NAPSA: variants seen among roughly 807,000 people sequenced by gnomAD.
The protein encoded by NAPSA is napsin-A.
In NAPSA, 37 loss-of-function variants were observed where a neutral mutation model predicts 36.7. That is an observed-to-expected ratio of 1.01 (90% CI 0.78 to 1.33). The LOEUF (loss-of-function observed/expected upper bound fraction) is 1.33. Among genes scored for constraint, NAPSA ranks in the 40% most tolerant of loss-of-function variants. NAPSA has a pLI of 0.00. For missense variants in NAPSA, 532 were observed against 543.8 expected, an observed-to-expected ratio of 0.98 and a Z score of 0.21; for synonymous variants, 222 against 234.5, an observed-to-expected ratio of 0.95 and a Z score of 0.49.
At chr19:50,361,587 C>G in intron 4 of NAPSA, 76 bp downstream of exon 4, 2 of 1,311,174 alleles carry the variant, frequency 1.5e-6, no homozygotes, top group Non-Finnish European at 2.2e-6. Flanking sequence ...CTCCTCGAGC[C>G]TCTTCCTAAG....
In NAPSA at chr19:50,364,849, G is replaced by A. The variant is rs191201552; in HGVS notation, c.83+690C>T. On this transcript the variant is annotated intron_variant, in intron 1 of 8. Coordinates refer to ENST00000253719, the MANE Select transcript of NAPSA (RefSeq NM_004851.3). ...TCTACTAAAAATACAAAAATTAGCC[G>A]GGCGTGGTGGCATGTGCCTGTAGTC... Among the ~76,000 whole-genome samples the A allele has an allele frequency of 3.4e-3, 501 of 148,500 alleles. 3 individuals are homozygous for A. The highest frequency in any genetic ancestry group is 9.7e-3 in the African/African-American group (393 of 40,354).
chr19:50,365,674 C>G, upstream of NAPSA: 7 of 1,478,598 alleles, frequency 4.7e-6, no homozygotes, highest in Non-Finnish European at 6.5e-6. Context: ...TTTTCTTTCC[C>G]CTGTGACTCC....
In NAPSA at chr19:50,359,585, C is replaced by A. The variant is rs747565284; in HGVS notation, c.854G>T (p.Gly285Val). Residue 285 changes from glycine to valine, a missense_variant, in exon 7 of 9, where the codon GGC (glycine) becomes GTC (valine). Physicochemically the swap from Gly to Val is moderately radical, Grantham distance 109. Transcript: ENST00000253719. Reference sequence around the variant, plus strand: ...AGTGGGTCCTGTGATGAGGGACGTGCCCGTATCCAGGATGGCAGCACAGCC... The same window carrying A: ...AGTGGGTCCTGTGATGAGGGACGTGACCGTATCCAGGATGGCAGCACAGCC... Reference protein sequence around the residue: ...AKGCAAILDTGTSLITGPTEE... With the variant: ...AKGCAAILDTVTSLITGPTEE... 6.2e-7 allele frequency: 1 copy of A among 1,614,234 alleles called. No homozygotes were observed.
intron 1 of NAPSA, 27 bp from the exon 2 acceptor site, chr19:50,362,340 A>G: frequency 6.4e-7 from 1 of 1,567,342 alleles, no homozygotes; most frequent in South Asian, 1.2e-5. Flanking sequence ...TATTGACAGG[A>G]AGCTGCCCTT....
chr19:50,368,114 C>T (rs915747077), upstream of NAPSA, among the ~76,000 whole-genome samples: 2 of 145,152 alleles, frequency 1.4e-5, no homozygotes, highest in South Asian at 2.2e-4. Context: ...GCCAAGATCG[C>T]GCTGCTACAC....
chr19:50,360,863 G>T, intron 5 of NAPSA, 78 bp downstream of exon 5: 1 of 1,369,920 alleles, frequency 7.3e-7, no homozygotes. Flanking sequence ...TTCCTGCATT[G>T]GGTCAGTGAC....
At chr19:50,360,468 G>C (rs1235923285) in intron 5 of NAPSA, among the ~76,000 whole-genome samples, 1 of 152,130 alleles carries the variant, frequency 6.6e-6, no homozygotes, top group Non-Finnish European at 1.5e-5. Flanking sequence ...AAACTTCTTG[G>C]ATGTTGGGTG....
Position 50,358,756 on chromosome 19 carries a change from A to G in NAPSA, c.1060T>C (p.Cys354Arg). The change falls in exon 9 of 9, where the codon TGC becomes CGC. Residue 354 changes from cysteine to arginine, a missense_variant. Around this residue, in one of 3 missense-constraint regions of NAPSA, gnomAD observed 385 missense variants for 371.5 expected, o/e 1.04. Transcript: ENST00000253719. Reference protein sequence around the residue: ...IQTTRNGVRLCLSGFQALDVP... With the variant: ...IQTTRNGVRLRLSGFQALDVP... ...TCCAGGGCCTGGAAACCGGACAAGC[A>G]GAGGCGGACGCCATTTCGAGTAGTC... The G allele has an allele frequency of 6.2e-7, 1 of 1,612,770 alleles. No homozygotes were observed. Among genetic ancestry groups the G allele is most frequent in the Non-Finnish European group, 8.5e-7 (1 of 1,179,810 alleles).
chr19:50,359,154 G>A, intron 7 of NAPSA, 45 bp from the exon 8 acceptor site: 3 of 1,520,092 alleles, frequency 2.0e-6, no homozygotes, highest in Non-Finnish European at 2.7e-6. Context: ...TTCCTGCTCT[G>A]TTCAGTCCCT....
upstream of NAPSA, among the ~76,000 whole-genome samples, chr19:50,368,272 T>C (rs1424155349): frequency 6.6e-6 from 1 of 151,882 alleles, no homozygotes; most frequent in African/African-American, 2.4e-5. Flanking sequence ...GGAGGATCGC[T>C]TGCGCCTGGG....
chr19:50,361,267 G>A (rs542116550), intron 4 of NAPSA, 127 bp from the exon 5 acceptor site: 26 of 764,880 alleles, frequency 3.4e-5, no homozygotes, highest in Admixed American at 1.9e-4. Flanking sequence ...AACTTCCTAG[G>A]AAACTATGCC....
intron 3 of NAPSA, 32 bp downstream of exon 3, chr19:50,361,937 A>G: frequency 1.3e-6 from 2 of 1,589,812 alleles, no homozygotes; most frequent in Non-Finnish European, 1.7e-6. Context: ...CTTCACCCCC[A>G]TTCAGCCTTA....
intron 5 of NAPSA, among the ~76,000 whole-genome samples, chr19:50,360,292 C>T (rs1405084111): frequency 2.0e-5 from 3 of 152,058 alleles, no homozygotes; most frequent in South Asian, 2.1e-4. Flanking sequence ...TGGCTGAGAG[C>T]GATGGGAACA....
At chr19:50,366,652 T>C (rs1449217947), upstream of NAPSA, among the ~76,000 whole-genome samples, 3 of 142,662 alleles carry the variant, frequency 2.1e-5, no homozygotes, top group Non-Finnish European at 4.5e-5. Context: ...ATGAGTTATT[T>C]ATTTATTTAT....
upstream of NAPSA, among the ~76,000 whole-genome samples, chr19:50,366,186 T>G (rs566919906): frequency 4.7e-4 from 72 of 151,864 alleles, no homozygotes; most frequent in Non-Finnish European, 8.4e-4. Flanking sequence ...TTTTTGTTTT[T>G]TGGTTTTTTT....
intron 5 of NAPSA, 94 bp downstream of exon 5, chr19:50,360,847 T>A (rs2037461765): frequency 2.4e-6 from 3 of 1,244,092 alleles, no homozygotes; most frequent in African/African-American, 1.5e-5. Context: ...ACTCTGAGAA[T>A]GAGAATTCCT....
At chr19:50,363,949 G>A (rs748615377) in intron 1 of NAPSA, among the ~76,000 whole-genome samples, 18 of 152,162 alleles carry the variant, frequency 1.2e-4, no homozygotes, top group Non-Finnish European at 2.5e-4. Flanking sequence ...CTCGAAGATG[G>A]GAGGAGTGTG....
rs752441058 is a variant in NAPSA, at chr19:50,362,053, G to A, written c.265C>T (p.Gln89Ter). 3.1e-6 allele frequency: 5 copies of A among 1,613,618 alleles called. No homozygotes were observed. The highest frequency in any genetic ancestry group is 1.7e-6 in the Non-Finnish European group (2 of 1,179,958). ...GTGTCAAAGGCAACAGTGAAGTTTT[G>A]TGGAGGCGTTCCCAGCCCAATTTCC... Reference protein sequence around the residue: ...FGEIGLGTPPQNFTVAFDTGS... With the variant: ...FGEIGLGTPP The change falls in exon 3 of 9, where the codon CAA (glutamine) becomes TAA (stop). Residue 89 changes from glutamine (Q) to a stop codon, truncating the protein, a stop_gained. Transcript: ENST00000253719. LOFTEE classifies it high-confidence loss of function.
chr19:50,368,157 CAAAAAAAA>C (rs56938224), upstream of NAPSA, among the ~76,000 whole-genome samples: 17 of 64,202 alleles, frequency 2.6e-4, no homozygotes, highest in Middle Eastern at 0.01. Flanking sequence ...GACTCCCTCT[CAAAAAAAA>C]AAAAAAAAAA....
Sources: allele counts gnomAD v4.1 joint callset (sites outside exome capture counted in the v4.1 genomes callset), GRCh38; gene constraint gnomAD v4.1.1; regional missense constraint gnomAD v4.1.1; transcripts MANE v1.5; gene names NCBI Gene and HGNC (gene_info 2026-07-23, HGNC 2026-07-21).